The following PKP4 variants were observed in gnomAD, a reference collection of about 807,000 sequenced individuals.
PKP4 encodes plakophilin-4.
In PKP4, 90 loss-of-function variants were observed where a neutral mutation model predicts 145.1. The ratio of observed to expected loss-of-function variants is 0.62; its 90% CI spans 0.52 to 0.74. PKP4 has a LOEUF of 0.74. Among genes scored for constraint, PKP4 ranks in the 30% least tolerant of loss-of-function variants. PKP4 has a pLI of 0.00. For missense variants in PKP4, 1,340 were observed against 1,482.7 expected (o/e 0.90, Z 1.58); for synonymous variants, 563 against 577.2 (o/e 0.98, Z 0.35).
chr2:158,660,008 T>G (rs2056396803), intron 12 of PKP4: 1 of 152,078 alleles, frequency 6.6e-6, no homozygotes, highest in Non-Finnish European at 1.5e-5. Flanking sequence ...GTAGGCAGAT[T>G]TGGGTTATTT....
intron 1 of PKP4, among the ~76,000 whole-genome samples, chr2:158,474,235 T>C (rs532482552): frequency 1.3e-5 from 2 of 152,234 alleles, no homozygotes; most frequent in Non-Finnish European, 2.9e-5. Context: ...AGTACAAGAC[T>C]CTGGCTGACT....
At chr2:158,600,107 T>G (rs367555170) in intron 3 of PKP4, among the ~76,000 whole-genome samples, 139 of 152,320 alleles carry the variant, frequency 9.1e-4, no homozygotes, top group African/African-American at 3.1e-3. Context: ...CAAAACTGAT[T>G]TTTCGTATTA....
intron 2 of PKP4, among the ~76,000 whole-genome samples, chr2:158,556,488 C>T (rs1166508923): frequency 2.7e-5 from 4 of 150,232 alleles, no homozygotes; most frequent in East Asian, 2.0e-4. Flanking sequence ...TGGAGAAATA[C>T]GGATAGATAA....
At chr2:158,557,019 C>G (rs1017381060) in intron 2 of PKP4, among the ~76,000 whole-genome samples, 1 of 152,048 alleles carries the variant, frequency 6.6e-6, no homozygotes, top group African/African-American at 2.4e-5. Flanking sequence ...GTCACACCTT[C>G]TAACTGCATA....
At chr2:158,481,735 G>A (rs549600226) in intron 1 of PKP4, among the ~76,000 whole-genome samples, 7 of 152,198 alleles carry the variant, frequency 4.6e-5, no homozygotes, top group Middle Eastern at 3.4e-3. Flanking sequence ...TAAAATTGAC[G>A]TATTTCAAGT....
chr2:158,653,931 G>A (rs2055644858), intron 11 of PKP4, among the ~76,000 whole-genome samples: 1 of 152,204 alleles, frequency 6.6e-6, no homozygotes, highest in African/African-American at 2.4e-5. Flanking sequence ...CCTAGACAAA[G>A]TGGAGAGAAC....
At chr2:158,457,755 T>TC (rs1689045683) in intron 1 of PKP4, 1 of 153,730 alleles carries the variant, frequency 6.5e-6, no homozygotes, top group South Asian at 2.1e-4. Context: ...CGCGCGGTCT[T>TC]GCGTTTGTCC....
In PKP4 at chr2:158,621,251, A is replaced by ACT. The variant is rs769291324; in HGVS notation, c.433_434insCT (p.Ser145ThrfsTer6). 1 of 1,614,226 alleles carries ACT rather than the reference A, an allele frequency of 6.2e-7. No individual in the cohort carries two copies. Among genetic ancestry groups the ACT allele is most frequent in the South Asian group, 1.1e-5 (1 of 91,086 alleles). On this transcript the variant is annotated frameshift_variant, in exon 6 of 22. Coordinates refer to ENST00000389759, the MANE Select transcript of PKP4 (RefSeq NM_003628.6). LOFTEE classifies it high-confidence loss of function. ...TACAGGATCATTGGGTAACTCAAGA[A>ACT]GTTCAACACAAATGAATTCTTATTC...
At chr2:158,659,387 A>C (rs1157610009) in intron 12 of PKP4, 1 of 152,298 alleles carries the variant, frequency 6.6e-6, no homozygotes, top group African/African-American at 2.4e-5. Context: ...GGCAGGACTC[A>C]CTGTAGCTCC....
chr2:158,624,410 G>C (rs547557279), intron 6 of PKP4, among the ~76,000 whole-genome samples: 1 of 152,176 alleles, frequency 6.6e-6, no homozygotes, highest in Non-Finnish European at 1.5e-5. Context: ...GCTACATTTA[G>C]ACTGATATAT....
intron 1 of PKP4, among the ~76,000 whole-genome samples, chr2:158,509,337 C>T (rs2041288931): frequency 6.6e-6 from 1 of 152,154 alleles, no homozygotes; most frequent in South Asian, 2.1e-4. Context: ...TATTTTACCA[C>T]TCACTTTTAG....
chr2:158,474,961 T>C (rs554746263), intron 1 of PKP4, among the ~76,000 whole-genome samples: 2 of 152,352 alleles, frequency 1.3e-5, no homozygotes, highest in East Asian at 3.9e-4. Context: ...TCAGTTCTTT[T>C]TACTAGTGTC....
intron 2 of PKP4, among the ~76,000 whole-genome samples, chr2:158,572,296 G>A (rs886982490): frequency 1.3e-5 from 2 of 152,108 alleles, no homozygotes; most frequent in African/African-American, 4.8e-5. Context: ...ATATGAAAGC[G>A]CTATACTGTA....
chr2:158,517,418 T>C (rs1023329271), intron 1 of PKP4, among the ~76,000 whole-genome samples: 3 of 152,226 alleles, frequency 2.0e-5, no homozygotes, highest in Non-Finnish European at 4.4e-5. Flanking sequence ...CTGCCATCTG[T>C]GTTTCACCTC....
chr2:158,629,717 C>CT (rs11348839), intron 7 of PKP4, among the ~76,000 whole-genome samples: 49 of 150,454 alleles, frequency 3.3e-4, no homozygotes, highest in African/African-American at 1.1e-3. Context: ...TGGGAGCAAT[C>CT]TTTTTTTTTT....
chr2:158,556,948 A>C (rs1360127656), intron 2 of PKP4, among the ~76,000 whole-genome samples: 1 of 152,080 alleles, frequency 6.6e-6, no homozygotes, highest in East Asian at 1.9e-4. Context: ...TTTCATTTCC[A>C]CACCCTGAAG....
intron 11 of PKP4, among the ~76,000 whole-genome samples, chr2:158,657,052 G>T (rs751205582): frequency 6.6e-6 from 1 of 152,134 alleles, no homozygotes; most frequent in African/African-American, 2.4e-5. Context: ...GGCCACAAAC[G>T]TTTTTGTGTG....
Position 158,634,181 on chromosome 2 carries a change from T to C in PKP4, c.1454T>C (p.Ile485Thr), listed in dbSNP as rs770321777. ...ACCTACGCGGAGCCCTACAGGCCTATACAATACCGAGTGCAAGAGTGCAAT... is the reference window on the plus strand; with the variant it reads ...ACCTACGCGGAGCCCTACAGGCCTACACAATACCGAGTGCAAGAGTGCAAT... ...TATYAEPYRP[I>T]QYRVQECNYN... The change falls in exon 9 of 22, where the codon ATA becomes ACA. Residue 485 changes from isoleucine to threonine, a missense_variant. Physicochemically the swap from Ile to Thr is moderately conservative, Grantham distance 89. Transcript: ENST00000389759. 4 of 1,614,032 alleles carry C rather than the reference T, an allele frequency of 2.5e-6. No homozygotes were observed. Among genetic ancestry groups the C allele is most frequent in the Middle Eastern group, 1.6e-4 (1 of 6,062 alleles).
chr2:158,530,341 C>G (rs900785454), intron 1 of PKP4, among the ~76,000 whole-genome samples: 6 of 152,052 alleles, frequency 3.9e-5, no homozygotes, highest in Non-Finnish European at 7.4e-5. Context: ...TTCTGGCATG[C>G]CTTCATTCTC....
Sources: gnomAD v4.1 joint callset for allele counts (sites outside exome capture counted in the v4.1 genomes callset) on GRCh38, gnomAD v4.1.1 for gene constraint, MANE v1.5 for transcripts, NCBI Gene and HGNC (gene_info 2026-07-23, HGNC 2026-07-21) for gene names.